BBX: variants seen among roughly 807,000 people sequenced by gnomAD.
BBX encodes BBX high mobility group box domain containing, also known as HMG box transcription factor BBX.
BBX carries 30 observed loss-of-function variants against 100.2 expected under a neutral mutation model. The observed-to-expected ratio is 0.30, with a 90% CI of 0.22 to 0.41. The LOEUF is 0.41. BBX is among the 10% of genes least tolerant of loss of function. The pLI is 1.00. For missense variants in BBX, 1,023 were observed against 1,129.8 expected (o/e 0.91, Z 1.35); for synonymous variants, 376 against 388.1 (o/e 0.97, Z 0.37).
intron 2 of BBX, among the ~76,000 whole-genome samples, chr3:107,615,196 A>G (rs1030757156): frequency 1.3e-5 from 2 of 152,152 alleles, no homozygotes; most frequent in Non-Finnish European, 1.5e-5. Context: ...CTCATTGACC[A>G]TGTATTTAAG....
At chr3:107,760,736 A>G (rs2065833928) in intron 10 of BBX, among the ~76,000 whole-genome samples, 1 of 152,098 alleles carries the variant, frequency 6.6e-6, no homozygotes, top group South Asian at 2.1e-4. Flanking sequence ...GTTTTCAATC[A>G]AGGAGTTACT....
At chr3:107,645,550 C>T (rs2057466776) in intron 2 of BBX, among the ~76,000 whole-genome samples, 1 of 152,086 alleles carries the variant, frequency 6.6e-6, no homozygotes, top group South Asian at 2.1e-4. Flanking sequence ...AGCCAAAAGG[C>T]CAGGAAGTTA....
At chr3:107,550,307 T>C (rs1035064179) in intron 2 of BBX, among the ~76,000 whole-genome samples, 2 of 152,124 alleles carry the variant, frequency 1.3e-5, no homozygotes, top group African/African-American at 2.4e-5. Context: ...TTAGTCACTC[T>C]GGAGAGGTAC....
intron 13 of BBX, among the ~76,000 whole-genome samples, chr3:107,782,732 A>G (rs748613101): frequency 1.3e-4 from 20 of 152,094 alleles, no homozygotes; most frequent in Non-Finnish European, 2.1e-4. Context: ...CCAGCTGTGA[A>G]GTTGAGGTGC....
chr3:107,669,637 A>G (rs2058925776), intron 3 of BBX, among the ~76,000 whole-genome samples: 1 of 152,188 alleles, frequency 6.6e-6, no homozygotes. Context: ...AGAAACTGCT[A>G]TAGTTATCTC....
chr3:107,776,703 A>G (rs924767048), intron 12 of BBX, among the ~76,000 whole-genome samples: 2 of 152,208 alleles, frequency 1.3e-5, no homozygotes, highest in African/African-American at 4.8e-5. Flanking sequence ...TTCTCTAAGA[A>G]AAACATAAAT....
intron 13 of BBX, among the ~76,000 whole-genome samples, chr3:107,784,817 T>A (rs1475243566): frequency 6.6e-6 from 1 of 151,132 alleles, no homozygotes. Context: ...AGAGAAGAAG[T>A]TGATGAAATG....
At chr3:107,559,010 A>G (rs895514393) in intron 2 of BBX, among the ~76,000 whole-genome samples, 1 of 152,222 alleles carries the variant, frequency 6.6e-6, no homozygotes, top group Non-Finnish European at 1.5e-5. Flanking sequence ...AGGCAGAAGG[A>G]ATAGCCTGAG....
chr3:107,573,545 G>C (rs2051535445), intron 2 of BBX, among the ~76,000 whole-genome samples: 1 of 152,114 alleles, frequency 6.6e-6, no homozygotes, highest in African/African-American at 2.4e-5. Flanking sequence ...GGGTGGCAGA[G>C]TGAGACTCCG....
At chr3:107,602,283 A>G (rs1026605790) in intron 2 of BBX, among the ~76,000 whole-genome samples, 2 of 152,192 alleles carry the variant, frequency 1.3e-5, no homozygotes, top group Admixed American at 1.3e-4. Context: ...TTTGACTTCA[A>G]AGTCTTATTA....
intron 2 of BBX, among the ~76,000 whole-genome samples, chr3:107,618,020 A>G (rs1208511891): frequency 4.6e-5 from 7 of 151,894 alleles, no homozygotes; most frequent in Admixed American, 6.6e-5. Context: ...TTATTTTTAG[A>G]TGCTCTTTTA....
At position 107,763,225 on chromosome 3, in the gene BBX, C is replaced by A. The variant is rs907263979; in HGVS notation, c.906+7547C>A. Among the ~76,000 whole-genome samples, 5 of 102,064 alleles carry A rather than the reference C, an allele frequency of 4.9e-5. No individual in the cohort carries two copies. The East Asian group carries it at 2.1e-3, about 43-fold the overall frequency. 67.0% of individuals were successfully genotyped at this position (102,064 alleles called of 152,430 possible). On this transcript the variant is annotated intron_variant, in intron 10 of 17. Transcript: ENST00000325805. ...CTGCTTCTGTACTTCTGTGGTATTA[C>A]CTTTTTTTTTTTTTTTTGAGACAGA...
chr3:107,741,704 G>C (rs2064123205), intron 7 of BBX, among the ~76,000 whole-genome samples: 1 of 152,218 alleles, frequency 6.6e-6, no homozygotes, highest in Middle Eastern at 3.4e-3. Context: ...AAAAAGTGTG[G>C]CCCACCTAAT....
At chr3:107,721,499 C>A (rs1244686882) in intron 5 of BBX, among the ~76,000 whole-genome samples, 1 of 151,886 alleles carries the variant, frequency 6.6e-6, no homozygotes, top group Admixed American at 6.6e-5. Flanking sequence ...TAATTAGGGG[C>A]CCCACCACAT....
At chr3:107,717,263 A>G (rs1412652664) in intron 5 of BBX, among the ~76,000 whole-genome samples, 1 of 152,138 alleles carries the variant, frequency 6.6e-6, no homozygotes, top group Admixed American at 6.6e-5. Flanking sequence ...GAGAATGCCC[A>G]TGGTAAAGTT....
chr3:107,644,208 AC>A (rs2057386988), intron 2 of BBX, among the ~76,000 whole-genome samples: 2 of 12,416 alleles, frequency 1.6e-4, no homozygotes, highest in East Asian at 0.042. Context: ...GAAAGAACTT[AC>A]TTACGTATAT....
At chr3:107,576,588 A>G (rs1012078237) in intron 2 of BBX, among the ~76,000 whole-genome samples, 3 of 152,220 alleles carry the variant, frequency 2.0e-5, no homozygotes, top group African/African-American at 4.8e-5. Context: ...AAAAGAATCT[A>G]TAGAACTAAG....
chr3:107,606,813 T>C (rs1250302444), intron 2 of BBX, among the ~76,000 whole-genome samples: 1 of 152,126 alleles, frequency 6.6e-6, no homozygotes, highest in Non-Finnish European at 1.5e-5. Context: ...ATTATACTCT[T>C]TTAGTTATTT....
At chr3:107,786,053 G>A (rs886077466) in intron 13 of BBX, among the ~76,000 whole-genome samples, 1 of 152,030 alleles carries the variant, frequency 6.6e-6, no homozygotes, top group African/African-American at 2.4e-5. Context: ...ATCTAAAAAT[G>A]AGATTAGGAA....
Sources: gnomAD v4.1 joint callset for allele counts (sites outside exome capture counted in the v4.1 genomes callset) on GRCh38, gnomAD v4.1.1 for gene constraint, MANE v1.5 for transcripts, NCBI Gene and HGNC (gene_info 2026-07-23, HGNC 2026-07-21) for gene names.